ANGPT2: variants seen among roughly 807,000 people sequenced by gnomAD.
ANGPT2 encodes the protein angiopoietin 2.
In ANGPT2, 28 loss-of-function variants were observed where a neutral mutation model predicts 62.9. The observed-to-expected ratio is 0.44, with a 90% CI of 0.33 to 0.61. The LOEUF is 0.61. ANGPT2 is among the 20% of genes least tolerant of loss of function. The pLI is 0.03. For synonymous variants in ANGPT2, 284 were observed against 207.8 expected (o/e 1.37, Z -3.15); for missense variants, 727 against 594.9 (o/e 1.22, Z -2.31).
At chr8:6,558,592 G>A (rs1825025413) in intron 1 of ANGPT2, among the ~76,000 whole-genome samples, 1 of 152,090 alleles carries the variant, frequency 6.6e-6, no homozygotes, top group South Asian at 2.1e-4. Flanking sequence ...ACTGTAAAGA[G>A]CCACATTGAT....
At chr8:6,514,085 C>G (rs1299764238) in intron 6 of ANGPT2, among the ~76,000 whole-genome samples, 5 of 152,122 alleles carry the variant, frequency 3.3e-5, no homozygotes, top group Non-Finnish European at 7.3e-5. Context: ...GGGGAGCCAC[C>G]AGCAGAAGCC....
At chr8:6,527,709 A>AT in intron 2 of ANGPT2, 33 bp from the exon 3 acceptor site, 1 of 1,555,170 alleles carries the variant, frequency 6.4e-7, no homozygotes, top group Non-Finnish European at 8.7e-7. Context: ...CCTATTAATT[A>AT]TTTTTTAATT....
chr8:6,501,043 A>G lies in ANGPT2; in HGVS notation c.*2058T>C, dbSNP rs1038682181. 6.6e-6 allele frequency: 1 copy of G among 152,206 alleles called. No homozygotes were observed. The highest frequency in any genetic ancestry group is 2.4e-5 in the African/African-American group (1 of 41,466). 9.4% of individuals were successfully genotyped at this position (152,206 alleles called of 1,614,324 possible). On this transcript the variant is annotated 3_prime_UTR_variant, in exon 9 of 9. Coordinates refer to ENST00000629816, the MANE Select transcript of ANGPT2 (RefSeq NM_001118887.2). ...ATTTTCAGTTGTTTTTCAACTTGAT[A>G]CAAGGCCATGATACCGTTGTTGAAT...
Position 6,503,109 on chromosome 8 carries a change from C to T in ANGPT2, c.1480G>A (p.Asp494Asn), listed in dbSNP as rs1246406077. Residue 494 changes from aspartate to asparagine, a missense_variant, in exon 9 of 9, where the codon GAT becomes AAT. Transcript: ENST00000629816. ...CAGGTGGACTGGGATGTTTAGAAAT[C>T]TGCTGGTCGGATCATCATGGTTGTG... ...KATTMMIRPA[D>N]F 1.2e-6 allele frequency: 2 copies of T among 1,614,048 alleles called. No homozygotes were observed. Among genetic ancestry groups the T allele is most frequent in the African/African-American group, 2.7e-5 (2 of 74,932 alleles).
intron 2 of ANGPT2, among the ~76,000 whole-genome samples, chr8:6,531,820 G>C (rs1819573123): frequency 1.3e-5 from 2 of 152,158 alleles, no homozygotes; most frequent in Non-Finnish European, 2.9e-5. Context: ...CTTTTCTGTG[G>C]CTAGACGCTT....
At chr8:6,504,597 A>C (rs1032111761) in intron 8 of ANGPT2, among the ~76,000 whole-genome samples, 2 of 152,164 alleles carry the variant, frequency 1.3e-5, no homozygotes, top group Non-Finnish European at 2.9e-5. Flanking sequence ...GGCAATTCAG[A>C]TATGTCAAAG....
intron 3 of ANGPT2, among the ~76,000 whole-genome samples, chr8:6,521,821 C>G (rs936199851): frequency 3.3e-5 from 5 of 152,170 alleles, no homozygotes; most frequent in Admixed American, 1.3e-4. Context: ...AGGATATTAG[C>G]TTTCTCCTAA....
At chr8:6,560,389 G>GA (rs775254704) in intron 1 of ANGPT2, among the ~76,000 whole-genome samples, 3 of 152,108 alleles carry the variant, frequency 2.0e-5, no homozygotes. Context: ...TTCCTCATGA[G>GA]AAAATCAGTG....
intron 1 of ANGPT2, among the ~76,000 whole-genome samples, chr8:6,535,338 A>T (rs995897981): frequency 6.6e-6 from 1 of 152,234 alleles, no homozygotes; most frequent in East Asian, 1.9e-4. Flanking sequence ...TTGAAATTAA[A>T]CTTAGGAACT....
At chr8:6,517,176 T>C (rs886304287) in intron 5 of ANGPT2, among the ~76,000 whole-genome samples, 3 of 152,236 alleles carry the variant, frequency 2.0e-5, no homozygotes, top group African/African-American at 4.8e-5. Flanking sequence ...AGTCCTCAGA[T>C]ACTTCCCAAG....
intron 5 of ANGPT2, among the ~76,000 whole-genome samples, chr8:6,519,656 A>G (rs1458307595): frequency 6.6e-6 from 1 of 152,228 alleles, no homozygotes; most frequent in Admixed American, 6.5e-5. Context: ...TACATCATTC[A>G]TATGCAGCTT....
chr8:6,536,563 A>G (rs766989805), intron 1 of ANGPT2, among the ~76,000 whole-genome samples: 12 of 152,212 alleles, frequency 7.9e-5, no homozygotes, highest in Non-Finnish European at 1.2e-4. Flanking sequence ...TGCCAATTCT[A>G]TCTTCTGGGA....
chr8:6,540,643 G>T (rs1253032140), intron 1 of ANGPT2, among the ~76,000 whole-genome samples: 1 of 152,256 alleles, frequency 6.6e-6, no homozygotes, highest in Non-Finnish European at 1.5e-5. Context: ...AGTTACAGCA[G>T]CTTACAATGA....
intron 1 of ANGPT2, among the ~76,000 whole-genome samples, chr8:6,535,727 C>T (rs548844399): frequency 6.6e-6 from 1 of 152,014 alleles, no homozygotes; most frequent in Non-Finnish European, 1.5e-5. Context: ...CAAAAATGTG[C>T]AGTAGTAGAT....
intron 8 of ANGPT2, among the ~76,000 whole-genome samples, chr8:6,505,275 TAC>T (rs1813158275): frequency 1.1e-4 from 3 of 27,092 alleles, no homozygotes; most frequent in African/African-American, 3.4e-4. Flanking sequence ...TATATATGTA[TAC>T]ATATATATGT....
rs569307138 is a variant in ANGPT2 at position 6,559,325 on chromosome 8, C to G, written c.288+3322G>C. Among the ~76,000 whole-genome samples the G allele has an allele frequency of 1.1e-3, 168 of 152,040 alleles. 1 individual carries two copies. Among genetic ancestry groups the G allele is most frequent in the African/African-American group, 3.8e-3 (157 of 41,500 alleles). ...GTTCCCCTGGGAGCCCCTCACCATC[C>G]ATTTCTCCCAGTGACGGCAGCTATG... On this transcript the variant is annotated intron_variant, in intron 1 of 8. Coordinates refer to ENST00000629816, the MANE Select transcript of ANGPT2 (RefSeq NM_001118887.2).
chr8:6,558,321 C>G (rs1353819176), intron 1 of ANGPT2, among the ~76,000 whole-genome samples: 1 of 152,154 alleles, frequency 6.6e-6, no homozygotes, highest in Non-Finnish European at 1.5e-5. Flanking sequence ...AATAGCCTGA[C>G]ATATTTTTTT....
intron 1 of ANGPT2, among the ~76,000 whole-genome samples, chr8:6,559,298 G>A (rs1308949063): frequency 6.6e-6 from 1 of 151,616 alleles, no homozygotes; most frequent in African/African-American, 2.4e-5. Context: ...CTAGCGGGCT[G>A]GGTTCCCCTG....
chr8:6,560,539 C>G (rs1240104344), intron 1 of ANGPT2, among the ~76,000 whole-genome samples: 1 of 152,156 alleles, frequency 6.6e-6, no homozygotes, highest in East Asian at 1.9e-4. Context: ...TGCAAATTGC[C>G]TTTCTCAGGT....
Sources: allele counts gnomAD v4.1 joint callset (sites outside exome capture counted in the v4.1 genomes callset), GRCh38; gene constraint gnomAD v4.1.1; transcripts MANE v1.5; gene names NCBI Gene and HGNC (gene_info 2026-07-23, HGNC 2026-07-21).